The following PCDH9 variants were observed in gnomAD, a reference collection of about 807,000 sequenced individuals.
PCDH9 encodes the protein protocadherin-9.
Under a neutral mutation model 70.6 loss-of-function variants are expected in PCDH9, and 24 were observed. The ratio of observed to expected loss-of-function variants is 0.34; its 90% confidence interval spans 0.25 to 0.48. PCDH9 has a LOEUF of 0.48. Ranked by LOEUF, PCDH9 falls within the 20% of genes least tolerant of loss-of-function variation. PCDH9 has a pLI of 0.99. For synonymous variants in PCDH9, 562 were observed against 558.5 expected, an observed-to-expected ratio of 1.01 and a Z score of -0.09; for missense variants, 1,281 against 1,503.6, an observed-to-expected ratio of 0.85 and a Z score of 2.45.
At chr13:67,067,036 C>T (rs1279194162) in intron 2 of PCDH9, among the ~76,000 whole-genome samples, 1 of 152,030 alleles carries the variant, frequency 6.6e-6, no homozygotes. Flanking sequence ...ATGACTAGGG[C>T]CTGGAAACAA....
At chr13:66,404,932 C>G (rs1957254105) in intron 4 of PCDH9, among the ~76,000 whole-genome samples, 1 of 152,154 alleles carries the variant, frequency 6.6e-6, no homozygotes, top group Admixed American at 6.5e-5. Flanking sequence ...AATCCATCCT[C>G]TTTCCATTTT....
At chr13:66,674,516 T>C (rs1460347587) in intron 3 of PCDH9, among the ~76,000 whole-genome samples, 3 of 152,144 alleles carry the variant, frequency 2.0e-5, no homozygotes, top group African/African-American at 7.2e-5. Flanking sequence ...TAACTTGTGC[T>C]GTATTCTGGA....
At chr13:66,805,903 T>C (rs901314976) in intron 3 of PCDH9, among the ~76,000 whole-genome samples, 1 of 152,196 alleles carries the variant, frequency 6.6e-6, no homozygotes, top group African/African-American at 2.4e-5. Context: ...TGACTTTTTT[T>C]CCCCAAAACC....
chr13:66,856,152 T>C (rs118170711), intron 3 of PCDH9, among the ~76,000 whole-genome samples: 1,545 of 152,116 alleles, frequency 0.01, 16 homozygotes, highest in Middle Eastern at 0.068. Context: ...CGCATATAAA[T>C]AGGAACCTTA....
rs1415312002 is a variant in PCDH9 at position 67,225,723 on chromosome 13, C to G, written c.2718G>C (p.Leu906=). 5 of 1,614,146 alleles carry G rather than the reference C, an allele frequency of 3.1e-6. No homozygotes were observed. Among genetic ancestry groups the G allele is most frequent in the Non-Finnish European group, 4.2e-6 (5 of 1,179,990 alleles). Residue 906 remains leucine, a synonymous_variant, in exon 2 of 5, where the codon CTG becomes CTC. Transcript: ENST00000377865. ...VHEPINGTIS[L]PAELEEQSIG... is the part of the protein sequence containing the mutation. ...TACTTTGCTCCTCCAGTTCAGCCGG[C>G]AGGCTTATTGTCCCATTGATAGGTT... is the stretch of plus-strand genomic sequence containing the variant.
intron 4 of PCDH9, among the ~76,000 whole-genome samples, chr13:66,496,114 A>T (rs1253695405): frequency 2.0e-5 from 3 of 152,110 alleles, no homozygotes; most frequent in South Asian, 2.1e-4. Flanking sequence ...ATCTTTATTC[A>T]TTTCCCCCGA....
At chr13:66,472,454 C>A (rs959094869) in intron 4 of PCDH9, among the ~76,000 whole-genome samples, 4 of 151,756 alleles carry the variant, frequency 2.6e-5, no homozygotes, top group African/African-American at 7.3e-5. Flanking sequence ...CACCTGTAGT[C>A]CTAGCTTCAG....
At chr13:66,395,026 A>C (rs1474499137) in intron 4 of PCDH9, among the ~76,000 whole-genome samples, 1 of 152,206 alleles carries the variant, frequency 6.6e-6, no homozygotes, top group African/African-American at 2.4e-5. Flanking sequence ...CTCACAAAAC[A>C]ATACTGGTCA....
intron 3 of PCDH9, among the ~76,000 whole-genome samples, chr13:66,734,782 T>TATATA (rs2139183470): frequency 6.6e-6 from 1 of 152,316 alleles, no homozygotes; most frequent in East Asian, 1.9e-4. Context: ...GGCTGTGAAA[T>TATATA]ACACATTGTT....
In PCDH9 at chr13:66,816,257, A is replaced by G. The variant is rs367714752; in HGVS notation, c.3138+87247T>C. 5.3e-5 allele frequency among the ~76,000 whole-genome samples: 8 copies of G among 152,336 alleles called. 1 individual carries two copies. The highest frequency in any genetic ancestry group is 1.9e-4 in the African/African-American group (8 of 41,588). On this transcript the variant is annotated intron_variant, in intron 3 of 4. Coordinates refer to ENST00000377865, the MANE Select transcript of PCDH9 (RefSeq NM_203487.3). ...TAAATGTGCAGAATGGAACATAAAT[A>G]ACTGCACACTATTTCCAGGACACTG...
intron 3 of PCDH9, among the ~76,000 whole-genome samples, chr13:66,704,355 G>C (rs1221379604): frequency 3.3e-5 from 5 of 152,158 alleles, no homozygotes; most frequent in Admixed American, 6.5e-5. Flanking sequence ...AGTTGCCTGA[G>C]GCTAAGCTGA....
intron 4 of PCDH9, among the ~76,000 whole-genome samples, chr13:66,505,139 A>G (rs1013050649): frequency 6.6e-6 from 1 of 152,150 alleles, no homozygotes; most frequent in Non-Finnish European, 1.5e-5. Context: ...AGTCTTAGAT[A>G]TTACTTATTC....
chr13:67,085,391 A>G (rs1416914458), intron 2 of PCDH9, among the ~76,000 whole-genome samples: 1 of 152,152 alleles, frequency 6.6e-6, no homozygotes, highest in Admixed American at 6.5e-5. Flanking sequence ...TTTAATATTC[A>G]CCTACTATGT....
intron 4 of PCDH9, among the ~76,000 whole-genome samples, chr13:66,364,879 C>T (rs1304221548): frequency 6.6e-6 from 1 of 152,218 alleles, no homozygotes; most frequent in South Asian, 2.1e-4. Context: ...CCAATGCGAA[C>T]GGCAGACTCA....
intron 4 of PCDH9, among the ~76,000 whole-genome samples, chr13:66,491,395 G>GTGTGTGTGTGTGTGTGTT: frequency 6.6e-6 from 1 of 151,000 alleles, no homozygotes; most frequent in East Asian, 2.0e-4. Context: ...TTGTGTGTGT[G>GTGTGTGTGTGTGTGTGTT]TGTGTGTGTG....
At chr13:66,406,123 C>G (rs1372282636) in intron 4 of PCDH9, among the ~76,000 whole-genome samples, 1 of 152,044 alleles carries the variant, frequency 6.6e-6, no homozygotes, top group East Asian at 1.9e-4. Flanking sequence ...GTTTCTCTCT[C>G]TAAGAGGAAA....
intron 2 of PCDH9, among the ~76,000 whole-genome samples, chr13:66,955,351 T>C (rs150584488): frequency 1.3e-5 from 2 of 152,278 alleles, no homozygotes; most frequent in African/African-American, 2.4e-5. Flanking sequence ...ATTATAACTA[T>C]GAAAATAAAT....
At chr13:66,807,920 A>G (rs1199322454) in intron 3 of PCDH9, among the ~76,000 whole-genome samples, 2 of 152,016 alleles carry the variant, frequency 1.3e-5, no homozygotes, top group African/African-American at 4.8e-5. Context: ...GCATTTCAGT[A>G]TTTTCTATTT....
intron 3 of PCDH9, among the ~76,000 whole-genome samples, chr13:66,684,423 C>A (rs985023174): frequency 2.0e-5 from 3 of 152,142 alleles, no homozygotes; most frequent in African/African-American, 7.2e-5. Flanking sequence ...TCTTGTAGTT[C>A]CCATAATCCC....
Sources: allele counts gnomAD v4.1 joint callset (sites outside exome capture counted in the v4.1 genomes callset), GRCh38; gene constraint gnomAD v4.1.1; transcripts MANE v1.5; gene names NCBI Gene and HGNC (gene_info 2026-07-23, HGNC 2026-07-21).